Variants in CSNK1E observed in about 807,000 individuals in gnomAD.
CSNK1E encodes casein kinase I isoform epsilon.
CSNK1E carries 17 observed loss-of-function variants against 46.1 expected under a neutral mutation model. The observed-to-expected ratio is 0.37, with a 90% CI of 0.25 to 0.55. CSNK1E has a LOEUF of 0.55. CSNK1E is among the 20% of genes least tolerant of loss of function. CSNK1E has a pLI of 0.82. For synonymous variants in CSNK1E, 241 were observed against 242.6 expected (o/e 0.99, Z 0.06); for missense variants, 386 against 595.4 (o/e 0.65, Z 3.66).
rs759316892 is a variant in CSNK1E at position 38,304,000 on chromosome 22, G to A, written c.77-752C>T. ...ATACCCTCACACACACCAAGGCCCC[G>A]CTCTCTGCCTGGGCCCACTGCCCAA... On this transcript the variant is annotated intron_variant, in intron 2 of 10. Transcript: ENST00000396832. The surrounding 1 kb of genome is among the most constrained non-coding windows in gnomAD (Gnocchi z 4.7). Among the ~76,000 whole-genome samples the A allele has an allele frequency of 1.2e-4, 18 of 152,126 alleles. No homozygotes were observed. Among genetic ancestry groups the A allele is most frequent in the South Asian group, 2.1e-4 (1 of 4,832 alleles).
intron 4 of CSNK1E, among the ~76,000 whole-genome samples, chr22:38,301,341 A>T (rs1176247470): frequency 1.3e-5 from 2 of 152,198 alleles, no homozygotes; most frequent in African/African-American, 4.8e-5. Flanking sequence ...ACATGGGGGA[A>T]GCCTAGACCA....
Position 38,300,774 on chromosome 22 carries a change from T to C in CSNK1E, c.515A>G (p.Asn172Ser), listed in dbSNP as rs199753801. The C allele has an allele frequency of 6.2e-7, 1 of 1,614,114 alleles. No homozygotes were observed. Among genetic ancestry groups the C allele is most frequent in the African/African-American group, 1.3e-5 (1 of 75,018 alleles). Residue 172 changes from asparagine to serine, a missense_variant, in exon 5 of 11, where the codon AAC becomes AGC. Physicochemically the swap from Asn to Ser is conservative, Grantham distance 46. Around this residue, in one of 2 missense-constraint regions of CSNK1E, gnomAD observed 212 missense variants for 410.2 expected, o/e 0.52. Transcript: ENST00000396832. The surrounding 1 kb of genome is among the most constrained non-coding windows in gnomAD (Gnocchi z 4.4). ...AGCGTAGCGGGCCGTGCCGGTCAGG[T>C]TCTTGTTTTCCCGGTAGGGAATGTG... ...HQHIPYRENK[N>S]LTGTARYASI...
Position 38,294,451 on chromosome 22 carries a change from G to T in CSNK1E, c.969C>A (p.Ser323=). 6.3e-7 allele frequency: 1 copy of T among 1,576,818 alleles called. No individual in the cohort carries two copies. The part of the protein sequence containing the change: ...REERMGQLRG[S]ATRALPPGPP... ...GGCCAGGGGGCAGGGCTCGGGTCGCGGACCCCCGTAGCTGCCCCATCCTCT... is the reference window on the plus strand; with the variant it reads ...GGCCAGGGGGCAGGGCTCGGGTCGCTGACCCCCGTAGCTGCCCCATCCTCT... The change falls in exon 8 of 11, where the codon TCC becomes TCA. Residue 323 remains serine (S), a synonymous_variant. Transcript: ENST00000396832. The surrounding 1 kb of genome is among the most constrained non-coding windows in gnomAD (Gnocchi z 5.5).
At chr22:38,293,616 A>T (rs1181815785) in intron 9 of CSNK1E, among the ~76,000 whole-genome samples, 1 of 152,052 alleles carries the variant, frequency 6.6e-6, no homozygotes, top group Non-Finnish European at 1.5e-5. Flanking sequence ...CACAGGCAGG[A>T]GGACGAGGGC....
At position 38,299,953 on chromosome 22, in the gene CSNK1E, T is replaced by C; in HGVS notation, c.678A>G (p.Glu226=). Residue 226 remains glutamate (E), a synonymous_variant, in exon 6 of 11, where the codon GAA becomes GAG. Transcript: ENST00000396832. ...TTGACATCTTCTTCTCGCTGATCCG[T>C]TCATACTTCTGGCGCTTGGTGGCTG... is the stretch of plus-strand genomic sequence containing the variant. ...LKAATKRQKY[E]RISEKKMSTP... is the part of the protein sequence containing the mutation. The C allele has an allele frequency of 6.2e-7, 1 of 1,614,214 alleles. No individual in the cohort carries two copies. The highest frequency in any genetic ancestry group is 1.3e-5 in the African/African-American group (1 of 75,070).
At chr22:38,293,345 G>T in intron 9 of CSNK1E, 26 bp from the exon 10 acceptor site, 1 of 1,483,318 alleles carries the variant, frequency 6.7e-7, no homozygotes, top group Non-Finnish European at 9.4e-7. Flanking sequence ...AGGGAGAGAG[G>T]GGGAGGGAGA....
chr22:38,317,411 C>CCGCCGCCGGCTCGCGCGCTCT lies in CSNK1E; in HGVS notation c.-285_-265dup, dbSNP rs2092754335. 7.7e-6 allele frequency: 1 copy of CCGCCGCCGGCTCGCGCGCTCT among 129,142 alleles called. No individual in the cohort carries two copies. Among genetic ancestry groups the CCGCCGCCGGCTCGCGCGCTCT allele is most frequent in the African/African-American group, 2.8e-5 (1 of 35,336 alleles). The allele number at this position is 129,142 out of a possible 1,614,324, so 8.0% of individuals were successfully genotyped here. Reference sequence around the variant, plus strand: ...CGGCCTCCTGCCCGCCCGCCCGCCCCCGCCGCCGGCTCGCGCGCTCTCGCA... The same window carrying CCGCCGCCGGCTCGCGCGCTCT: ...CGGCCTCCTGCCCGCCCGCCCGCCCCCGCCGCCGGCTCGCGCGCTCTCGCCGCCGGCTCGCGCGCTCTCGCA... On this transcript the variant is annotated 5_prime_UTR_variant, in exon 1 of 11. Transcript: ENST00000396832.
At position 38,314,166 on chromosome 22, in the gene CSNK1E, C is replaced by T. The variant is rs773953310; in HGVS notation, c.-9G>A. The T allele has an allele frequency of 3.1e-6, 5 of 1,613,890 alleles. No homozygotes were observed. Among genetic ancestry groups the T allele is most frequent in the Non-Finnish European group, 4.2e-6 (5 of 1,179,828 alleles). On this transcript the variant is annotated 5_prime_UTR_variant, in exon 2 of 11. Coordinates refer to ENST00000396832, the MANE Select transcript of CSNK1E (RefSeq NM_152221.3). ...CCCACACGTAGCTCCATGGCTCACTCTTGCTGCAGAGGAAGCAGGAACATG... is the reference window on the plus strand; with the variant it reads ...CCCACACGTAGCTCCATGGCTCACTTTTGCTGCAGAGGAAGCAGGAACATG...
intron 6 of CSNK1E, 150 bp downstream of exon 6, chr22:38,299,745 T>A: frequency 2.5e-6 from 2 of 791,490 alleles, no homozygotes; most frequent in South Asian, 3.5e-5. Context: ...CCTGACCTCA[T>A]GATCCACCTG....
Position 38,300,353 on chromosome 22 carries a change from T to C in CSNK1E, c.566-288A>G, listed in dbSNP as rs1194685731. 6.6e-6 allele frequency among the ~76,000 whole-genome samples: 1 copy of C among 152,070 alleles called. No individual in the cohort carries two copies. The highest frequency in any genetic ancestry group is 2.4e-5 in the African/African-American group (1 of 41,394). ...CTGCCCCCTTGCCTGGCCCACCCCGTGGAGAGGTCACAAGCTTCAGCATCA... is the reference window on the plus strand; with the variant it reads ...CTGCCCCCTTGCCTGGCCCACCCCGCGGAGAGGTCACAAGCTTCAGCATCA... On this transcript the variant is annotated intron_variant, in intron 5 of 10. Transcript: ENST00000396832. This position sits in a 1 kb window ranked among gnomAD's most constrained non-coding sequence, Gnocchi z 4.4.
intron 2 of CSNK1E, among the ~76,000 whole-genome samples, chr22:38,304,630 GAGGAA>G: frequency 6.6e-6 from 1 of 152,186 alleles, no homozygotes; most frequent in Non-Finnish European, 1.5e-5. Context: ...CGGCAGTGAA[GAGGAA>G]AGGATGCCTG....
At chr22:38,305,270 G>C (rs1466762993) in intron 2 of CSNK1E, among the ~76,000 whole-genome samples, 1 of 151,942 alleles carries the variant, frequency 6.6e-6, no homozygotes, top group Non-Finnish European at 1.5e-5. Flanking sequence ...CCCAGGGAGG[G>C]ACACCTTAGG....
intron 7 of CSNK1E, chr22:38,296,832 T>C: frequency 1.0e-6 from 1 of 954,238 alleles, no homozygotes; most frequent in Non-Finnish European, 1.6e-6. Context: ...TGGAGGGCAG[T>C]GGCATGATCT....
At chr22:38,292,897 G>A (rs2092618741) in intron 10 of CSNK1E, 2 of 304,206 alleles carry the variant, frequency 6.6e-6, no homozygotes, top group South Asian at 6.4e-5. Context: ...GGCTGAGACA[G>A]GGCTAATGCC....
At position 38,302,704 on chromosome 22, in the gene CSNK1E, C is replaced by T. The variant is rs138505807; in HGVS notation, c.336+157G>A. Among the ~76,000 whole-genome samples, 869 of 152,198 alleles carry T rather than the reference C, an allele frequency of 5.7e-3. 7 individuals are homozygous for T. The highest frequency in any genetic ancestry group is 0.01 in the Non-Finnish European group (712 of 68,010). On this transcript the variant is annotated intron_variant, in intron 4 of 10. Coordinates refer to ENST00000396832, the MANE Select transcript of CSNK1E (RefSeq NM_152221.3). Reference sequence around the variant, plus strand: ...CCAGCCTGGGCGACAGAGTGAGACTCCGCCTCAAAAAATAAATAAACACCT... The same window carrying T: ...CCAGCCTGGGCGACAGAGTGAGACTTCGCCTCAAAAAATAAATAAACACCT...
In CSNK1E at chr22:38,294,011, C is replaced by A; in HGVS notation, c.1218+98G>T. ...GGGTTCACTCCAAGGCAAGCAGCGT[C>A]GATGGAAAGGGAAGAACAGAGCCAC... On this transcript the variant is annotated intron_variant, in intron 9 of 10. Coordinates refer to ENST00000396832, the MANE Select transcript of CSNK1E (RefSeq NM_152221.3). This position sits in a 1 kb window ranked among gnomAD's most constrained non-coding sequence, Gnocchi z 5.5. 1 of 1,404,388 alleles carries A rather than the reference C, an allele frequency of 7.1e-7. No individual in the cohort carries two copies. The highest frequency in any genetic ancestry group is 9.6e-7 in the Non-Finnish European group (1 of 1,039,628). 87.0% of individuals were successfully genotyped at this position (1,404,388 alleles called of 1,614,324 possible). A position where few individuals can be genotyped will look rare whatever the true frequency, so the allele number is the denominator to read the frequency against.
Position 38,300,352 on chromosome 22 carries a change from G to A in CSNK1E, c.566-287C>T, listed in dbSNP as rs568680167. 6.6e-6 allele frequency among the ~76,000 whole-genome samples: 1 copy of A among 152,288 alleles called. No individual in the cohort carries two copies. Among genetic ancestry groups the A allele is most frequent in the South Asian group, 2.1e-4 (1 of 4,826 alleles). On this transcript the variant is annotated intron_variant, in intron 5 of 10. Transcript: ENST00000396832. This position sits in a 1 kb window ranked among gnomAD's most constrained non-coding sequence, Gnocchi z 4.4. ...ACTGCCCCCTTGCCTGGCCCACCCC[G>A]TGGAGAGGTCACAAGCTTCAGCATC... is the stretch of plus-strand genomic sequence containing the variant.
Position 38,298,338 on chromosome 22 carries a change from G to A in CSNK1E, c.885+448C>T. The A allele has an allele frequency of 1.7e-6, 1 of 581,632 alleles. No homozygotes were observed. The highest frequency in any genetic ancestry group is 2.6e-6 in the Non-Finnish European group (1 of 381,782). The allele number at this position is 581,632 out of a possible 1,614,324, so 36.0% of individuals were successfully genotyped here. On this transcript the variant is annotated intron_variant, in intron 7 of 10. Coordinates refer to ENST00000396832, the MANE Select transcript of CSNK1E (RefSeq NM_152221.3). This position sits in a 1 kb window ranked among gnomAD's most constrained non-coding sequence, Gnocchi z 4.2. ...AAGAGGGAAACAGAACAACTGCCTA[G>A]CCAGACCCAGGGGCCCATGACCAAG...
intron 7 of CSNK1E, chr22:38,297,740 T>A (rs897291315): frequency 1.0e-6 from 1 of 997,806 alleles, no homozygotes; most frequent in Non-Finnish European, 1.2e-6. Context: ...CAGGCTGTCC[T>A]GGCCCTCAAG....
Sources: allele counts gnomAD v4.1 joint callset (sites outside exome capture counted in the v4.1 genomes callset), GRCh38; gene constraint gnomAD v4.1.1; regional missense constraint gnomAD v4.1.1; non-coding constraint Gnocchi (gnomAD v3.1); transcripts MANE v1.5; gene names NCBI Gene and HGNC (gene_info 2026-07-23, HGNC 2026-07-21).